Variants in ANTXR1 observed in about 807,000 individuals in gnomAD.
ANTXR1 encodes the protein ANTXR cell adhesion molecule 1, also known as anthrax toxin receptor 1.
A neutral mutation model predicts 78.1 loss-of-function variants in ANTXR1; 19 were observed. The observed-to-expected ratio is 0.24, with a 90% CI of 0.17 to 0.36. The LOEUF is 0.36. Ranked by LOEUF, ANTXR1 falls within the 10% of genes least tolerant of loss-of-function variation. ANTXR1 has a pLI of 1.00. For synonymous variants in ANTXR1, 273 were observed against 260.5 expected (o/e 1.05, Z -0.46); for missense variants, 518 against 718.6 (o/e 0.72, Z 3.19).
chr2:69,066,181 G>A (rs2104186380), intron 3 of ANTXR1, among the ~76,000 whole-genome samples: 1 of 152,340 alleles, frequency 6.6e-6, no homozygotes, highest in African/African-American at 2.4e-5. Context: ...GATAGCCATT[G>A]CAGAATCCTA....
Position 69,073,190 on chromosome 2 carries a change from T to C in ANTXR1, c.492+89T>C, listed in dbSNP as rs984698183. 14 of 1,137,884 alleles carry C rather than the reference T, an allele frequency of 1.2e-5. No individual in the cohort carries two copies. In the African/African-American group the frequency reaches 2.1e-4, roughly 17 times the overall value. The allele number at this position is 1,137,884 out of a possible 1,614,324, so 70.5% of individuals were successfully genotyped here. On this transcript the variant is annotated intron_variant, in intron 6 of 17. Transcript: ENST00000303714. ...GGCCACACTCTCTCTATTCATGTGA[T>C]AGGTGTTCTTTGCAAATCCCCTGAA... is the stretch of plus-strand genomic sequence containing the variant.
intron 3 of ANTXR1, among the ~76,000 whole-genome samples, chr2:69,049,172 A>G (rs1188097457): frequency 6.6e-6 from 1 of 152,138 alleles, no homozygotes; most frequent in Non-Finnish European, 1.5e-5. Flanking sequence ...AAAAACGTGC[A>G]TGTCAGTGGG....
intron 5 of ANTXR1, among the ~76,000 whole-genome samples, chr2:69,072,677 C>T (rs1670603896): frequency 6.6e-6 from 1 of 152,216 alleles, no homozygotes; most frequent in African/African-American, 2.4e-5. Flanking sequence ...TGGGAGTTTG[C>T]TCACAGCTTG....
intron 12 of ANTXR1, among the ~76,000 whole-genome samples, chr2:69,140,645 C>G (rs914924249): frequency 1.3e-5 from 2 of 152,172 alleles, no homozygotes; most frequent in East Asian, 3.8e-4. Context: ...TATAAACTGA[C>G]TTTAGAAAGA....
chr2:69,102,440 G>A (rs1671652523), intron 9 of ANTXR1, among the ~76,000 whole-genome samples: 1 of 152,254 alleles, frequency 6.6e-6, no homozygotes, highest in South Asian at 2.1e-4. Flanking sequence ...AGACACAGAG[G>A]AGGTGAGTTG....
intron 10 of ANTXR1, among the ~76,000 whole-genome samples, chr2:69,110,386 T>G (rs564323336): frequency 1.3e-5 from 2 of 152,064 alleles, no homozygotes; most frequent in South Asian, 4.2e-4. Context: ...ACAAAGGGAA[T>G]GAGGGAGAGA....
intron 8 of ANTXR1, among the ~76,000 whole-genome samples, chr2:69,085,743 G>A (rs1671031277): frequency 6.6e-6 from 1 of 151,946 alleles, no homozygotes; most frequent in Admixed American, 6.6e-5. Flanking sequence ...ACTAGGATAA[G>A]TTATCTAAAG....
intron 17 of ANTXR1, among the ~76,000 whole-genome samples, chr2:69,217,895 C>T (rs1675218824): frequency 6.6e-6 from 1 of 152,210 alleles, no homozygotes; most frequent in Non-Finnish European, 1.5e-5. Flanking sequence ...AGTCACCTGG[C>T]TTGTGGATTT....
At chr2:69,045,570 G>T (rs931201284) in intron 3 of ANTXR1, among the ~76,000 whole-genome samples, 1 of 152,158 alleles carries the variant, frequency 6.6e-6, no homozygotes, top group Non-Finnish European at 1.5e-5. Context: ...ATATGGATGT[G>T]TTGGAAAAAG....
At chr2:69,039,703 TA>T (rs1669554520) in intron 1 of ANTXR1, among the ~76,000 whole-genome samples, 1 of 152,176 alleles carries the variant, frequency 6.6e-6, no homozygotes, top group Non-Finnish European at 1.5e-5. Context: ...AGAAATAATT[TA>T]ATAGCACAAA....
intron 13 of ANTXR1, among the ~76,000 whole-genome samples, chr2:69,157,457 C>G (rs978796769): frequency 6.6e-6 from 1 of 152,074 alleles, no homozygotes; most frequent in African/African-American, 2.4e-5. Context: ...GCATCTCACC[C>G]TCAACATACC....
chr2:69,172,508 G>A, intron 14 of ANTXR1: 2 of 1,444,588 alleles, frequency 1.4e-6, no homozygotes, highest in Non-Finnish European at 1.8e-6. Context: ...CTAGTTCCCT[G>A]TATTCAAATC....
chr2:69,130,956 T>A (rs931268653), intron 12 of ANTXR1, among the ~76,000 whole-genome samples: 1 of 152,218 alleles, frequency 6.6e-6, no homozygotes, highest in African/African-American at 2.4e-5. Context: ...GCTGACTCTT[T>A]GCTACTTTTG....
Position 69,068,934 on chromosome 2 carries a change from A to C in ANTXR1, c.297-1713A>C, listed in dbSNP as rs1358816026. Among the ~76,000 whole-genome samples the C allele has an allele frequency of 2.0e-5, 3 of 152,170 alleles. No homozygotes were observed. In the East Asian group the frequency reaches 5.8e-4, roughly 29 times the overall value. On this transcript the variant is annotated intron_variant, in intron 3 of 17. Transcript: ENST00000303714. ...GAATGTGATGATGGTGAGAGGAAGG[A>C]AAGTCAAGTTAGTGGATCAAGGAGG...
chr2:69,178,626 GA>G (rs753913491), intron 14 of ANTXR1, among the ~76,000 whole-genome samples: 4 of 152,182 alleles, frequency 2.6e-5, no homozygotes, highest in Non-Finnish European at 5.9e-5. Flanking sequence ...TGTGCAAGTG[GA>G]ACCTGGAAAG....
chr2:69,175,288 G>A (rs1464006576), intron 14 of ANTXR1, among the ~76,000 whole-genome samples: 1 of 152,082 alleles, frequency 6.6e-6, no homozygotes, highest in South Asian at 2.1e-4. Context: ...ATGCTCCCAT[G>A]TCACCATGTC....
intron 1 of ANTXR1, 76 bp from the exon 2 acceptor site, chr2:69,039,968 G>C: frequency 1.6e-6 from 2 of 1,230,102 alleles, no homozygotes; most frequent in South Asian, 1.2e-5. Context: ...TAAAATAACA[G>C]AATGTGAAGA....
intron 12 of ANTXR1, among the ~76,000 whole-genome samples, chr2:69,138,152 G>C (rs1267912695): frequency 1.3e-5 from 2 of 151,786 alleles, no homozygotes; most frequent in African/African-American, 4.8e-5. Context: ...GGAAGGAGTT[G>C]TCAGTGGGAA....
intron 6 of ANTXR1, among the ~76,000 whole-genome samples, chr2:69,073,654 T>G (rs1670640113): frequency 6.6e-6 from 1 of 152,218 alleles, no homozygotes. Context: ...TCAAGGCAAG[T>G]GGAAAAATTC....
Sources: gnomAD v4.1 joint callset for allele counts (sites outside exome capture counted in the v4.1 genomes callset) on GRCh38, gnomAD v4.1.1 for gene constraint, MANE v1.5 for transcripts, NCBI Gene and HGNC (gene_info 2026-07-23, HGNC 2026-07-21) for gene names.